Variants in FAT4 observed in about 807,000 individuals in gnomAD.
FAT4 encodes FAT atypical cadherin 4.
Under a neutral mutation model 303.9 loss-of-function variants are expected in FAT4, and 84 were observed. The observed-to-expected ratio is 0.28, with a 90% CI of 0.23 to 0.33. FAT4 has a LOEUF of 0.33. Among genes scored for constraint, FAT4 ranks in the 10% least tolerant of loss-of-function variants. The pLI is 1.00. For synonymous variants in FAT4, 2,307 were observed against 2,298.8 expected (o/e 1.00, Z -0.10); for missense variants, 6,005 against 6,146.8 (o/e 0.98, Z 0.77).
intron 2 of FAT4, among the ~76,000 whole-genome samples, chr4:125,386,450 A>G (rs533201015): frequency 2.0e-5 from 3 of 152,112 alleles, no homozygotes; most frequent in Admixed American, 1.3e-4. Flanking sequence ...TTGTATTTTT[A>G]GTAGAGACAG....
chr4:125,386,562 AC>A, intron 2 of FAT4, among the ~76,000 whole-genome samples: 1 of 152,250 alleles, frequency 6.6e-6, no homozygotes, highest in Non-Finnish European at 1.5e-5. Flanking sequence ...GAGCCACTGC[AC>A]CTGGCCCTGA....
chr4:125,332,393 T>A (rs1347467855), intron 2 of FAT4, among the ~76,000 whole-genome samples: 1 of 152,188 alleles, frequency 6.6e-6, no homozygotes, highest in African/African-American at 2.4e-5. Flanking sequence ...GTTGTTGACA[T>A]AATTTAGTAA....
At chr4:125,415,900 C>G (rs1735038400) in intron 6 of FAT4, 94 bp downstream of exon 6, 2 of 940,848 alleles carry the variant, frequency 2.1e-6, no homozygotes, top group African/African-American at 3.4e-5. Context: ...TTCCCCTGTT[C>G]TCTCCTCATT....
chr4:125,405,930 C>T (rs992278776), intron 3 of FAT4, among the ~76,000 whole-genome samples: 3 of 152,134 alleles, frequency 2.0e-5, no homozygotes, highest in Non-Finnish European at 4.4e-5. Flanking sequence ...TGAAAATTAA[C>T]TTTCTATCAG....
chr4:125,464,085 G>GT (rs900363002), intron 11 of FAT4, among the ~76,000 whole-genome samples: 1 of 151,748 alleles, frequency 6.6e-6, no homozygotes, highest in African/African-American at 2.4e-5. Context: ...TTTTATTTTT[G>GT]TTTTTTACAT....
intron 3 of FAT4, among the ~76,000 whole-genome samples, chr4:125,403,169 GGTT>G (rs1390904656): frequency 6.6e-6 from 1 of 151,884 alleles, no homozygotes; most frequent in African/African-American, 2.4e-5. Flanking sequence ...GGTTGTTCTA[GGTT>G]TTTAAAATAT....
rs1734996520 is a variant in FAT4, at chr4:125,415,183, G to A, written c.6220G>A (p.Ala2074Thr). 6.2e-7 allele frequency: 1 copy of A among 1,614,042 alleles called. No individual in the cohort carries two copies. Among genetic ancestry groups the A allele is most frequent in the Non-Finnish European group, 8.5e-7 (1 of 1,179,962 alleles). The change falls in exon 6 of 18, where the codon GCA becomes ACA. Residue 2074 changes from alanine to threonine, a missense_variant. Physicochemically the swap from Ala to Thr is moderately conservative, Grantham distance 58 (BLOSUM62 0). Transcript: ENST00000394329. ...PIDTVVFKAQ[A>T]TDPDSGPNSY... ...TGATACTGTTGTTTTCAAAGCTCAA[G>A]CAACTGACCCAGATAGTGGCCCAAA...
At chr4:125,405,204 G>A (rs943374750) in intron 3 of FAT4, among the ~76,000 whole-genome samples, 8 of 151,966 alleles carry the variant, frequency 5.3e-5, no homozygotes, top group Non-Finnish European at 8.8e-5. Context: ...TTATCTATTC[G>A]TTTGTTAATG....
intron 7 of FAT4, among the ~76,000 whole-genome samples, chr4:125,433,157 T>C (rs1725339471): frequency 6.6e-6 from 1 of 152,096 alleles, no homozygotes; most frequent in African/African-American, 2.4e-5. Context: ...TATGGTAAGG[T>C]TGTGAATCTC....
At chr4:125,459,726 C>T (rs1249372956) in intron 10 of FAT4, among the ~76,000 whole-genome samples, 6 of 152,046 alleles carry the variant, frequency 3.9e-5, no homozygotes, top group Non-Finnish European at 8.8e-5. Context: ...AGCCTGAAGG[C>T]GTTTGGCAAG....
At chr4:125,368,548 T>C (rs1406327599) in intron 2 of FAT4, among the ~76,000 whole-genome samples, 3 of 146,672 alleles carry the variant, frequency 2.0e-5, no homozygotes, top group African/African-American at 7.4e-5. Flanking sequence ...ATAAAAATCA[T>C]ATTGGATAAA....
At chr4:125,335,750 T>G (rs1034757426) in intron 2 of FAT4, among the ~76,000 whole-genome samples, 1 of 151,970 alleles carries the variant, frequency 6.6e-6, no homozygotes, top group Non-Finnish European at 1.5e-5. Flanking sequence ...TAAATATATA[T>G]TTGAAAGTCA....
At chr4:125,475,139 G>C (rs1329467940) in intron 12 of FAT4, among the ~76,000 whole-genome samples, 1 of 152,030 alleles carries the variant, frequency 6.6e-6, no homozygotes, top group African/African-American at 2.4e-5. Flanking sequence ...TGCTATTCCT[G>C]TGATATACTG....
intron 2 of FAT4, among the ~76,000 whole-genome samples, chr4:125,360,633 G>C (rs1017820812): frequency 2.0e-4 from 31 of 152,094 alleles, no homozygotes; most frequent in African/African-American, 7.2e-4. Flanking sequence ...AGGCTGACCA[G>C]CAAAGCCATA....
chr4:125,388,002 C>A (rs1733826471), intron 2 of FAT4, among the ~76,000 whole-genome samples: 2 of 152,186 alleles, frequency 1.3e-5, no homozygotes, highest in South Asian at 4.1e-4. Context: ...CTAGACTCAA[C>A]TAGGAAGCTT....
At position 125,400,117 on chromosome 4, in the gene FAT4, G is replaced by T. The variant is rs934968676; in HGVS notation, c.5307+1202G>T. Among the ~76,000 whole-genome samples the T allele has an allele frequency of 4.6e-5, 7 of 151,894 alleles. No individual in the cohort carries two copies. In the East Asian group the frequency reaches 1.4e-3, roughly 29 times the overall value. On this transcript the variant is annotated intron_variant, in intron 3 of 17. Coordinates refer to ENST00000394329, the MANE Select transcript of FAT4 (RefSeq NM_001291303.3). Reference sequence around the variant, plus strand: ...GACATCAAATAATTGAAATTGTAATGACTATTTCATTGGTTATACTCTAAG... The same window carrying T: ...GACATCAAATAATTGAAATTGTAATTACTATTTCATTGGTTATACTCTAAG...
intron 3 of FAT4, among the ~76,000 whole-genome samples, chr4:125,399,475 G>A (rs1400196065): frequency 1.3e-5 from 2 of 151,838 alleles, no homozygotes; most frequent in Non-Finnish European, 2.9e-5. Flanking sequence ...TTTAACTAAT[G>A]TTCTGGAGTT....
At chr4:125,467,772 T>C (rs564572211) in intron 11 of FAT4, among the ~76,000 whole-genome samples, 251 of 152,340 alleles carry the variant, frequency 1.6e-3, no homozygotes, top group Non-Finnish European at 3.0e-3. Flanking sequence ...AACAAATGCA[T>C]TTGCCATCTT....
chr4:125,481,105 A>G (rs114783000), intron 15 of FAT4, among the ~76,000 whole-genome samples: 4,932 of 152,256 alleles, frequency 0.032, 114 homozygotes, highest in Middle Eastern at 0.073. Context: ...GTCCTAATTT[A>G]TAGCATACTA....
Sources: gnomAD v4.1 joint callset for allele counts (sites outside exome capture counted in the v4.1 genomes callset) on GRCh38, gnomAD v4.1.1 for gene constraint, MANE v1.5 for transcripts, NCBI Gene and HGNC (gene_info 2026-07-23, HGNC 2026-07-21) for gene names.